The following CACNA2D2 variants were observed in gnomAD, a reference collection of about 807,000 sequenced individuals.
CACNA2D2 encodes voltage-dependent calcium channel subunit alpha-2/delta-2.
A neutral mutation model predicts 166.4 loss-of-function variants in CACNA2D2; 48 were observed. That is an observed-to-expected ratio of 0.29 (90% CI 0.23 to 0.37). The LOEUF is 0.37. CACNA2D2 is among the 10% of genes least tolerant of loss of function. The probability of loss-of-function intolerance (pLI) is 1.00; values close to 1 mark genes in which losing one functional copy is unlikely to be tolerated. For missense variants in CACNA2D2, 1,122 were observed against 1,433.0 expected (o/e 0.78, Z 3.50); for synonymous variants, 561 against 573.7 (o/e 0.98, Z 0.32).
intron 3 of CACNA2D2, among the ~76,000 whole-genome samples, chr3:50,395,651 G>A (rs1706113600): frequency 6.6e-6 from 1 of 152,230 alleles, no homozygotes; most frequent in Non-Finnish European, 1.5e-5. Context: ...ATTAGGGGAA[G>A]TGGAAGTCAG....
chr3:50,464,196 A>G (rs1314833300), intron 2 of CACNA2D2, among the ~76,000 whole-genome samples: 3 of 152,216 alleles, frequency 2.0e-5, no homozygotes, highest in Non-Finnish European at 2.9e-5. Context: ...TCACCTTTCT[A>G]CATCCCACGT....
At chr3:50,475,779 G>A (rs1163302621) in intron 2 of CACNA2D2, among the ~76,000 whole-genome samples, 1 of 152,094 alleles carries the variant, frequency 6.6e-6, no homozygotes, top group Non-Finnish European at 1.5e-5. Flanking sequence ...GTGCACCCCT[G>A]CGTCCACTGA....
chr3:50,408,377 C>T (rs947629199), intron 3 of CACNA2D2, among the ~76,000 whole-genome samples: 2 of 152,238 alleles, frequency 1.3e-5, no homozygotes, highest in African/African-American at 4.8e-5. Flanking sequence ...TCCACCTTGT[C>T]GCTGCCCACC....
In CACNA2D2 at chr3:50,381,182, C is replaced by T. The variant is rs1025921879; in HGVS notation, c.653-56G>A. The T allele has an allele frequency of 4.4e-6, 7 of 1,594,640 alleles. No individual in the cohort carries two copies. In the Admixed American group the frequency reaches 1.2e-4, roughly 27 times the overall value. On this transcript the variant is annotated intron_variant, in intron 6 of 37. Coordinates refer to ENST00000424201, the MANE Select transcript of CACNA2D2 (RefSeq NM_006030.4). ...GCACCTGGGCTGTGTCCTGTCGAACCCACCACCACGACACTCATGCCTGTG... is the reference window on the plus strand; with the variant it reads ...GCACCTGGGCTGTGTCCTGTCGAACTCACCACCACGACACTCATGCCTGTG...
intron 1 of CACNA2D2, among the ~76,000 whole-genome samples, chr3:50,498,814 C>T (rs932861046): frequency 7.9e-5 from 12 of 152,244 alleles, no homozygotes; most frequent in African/African-American, 2.9e-4. Context: ...CCCCCCTCCA[C>T]TTCCTGGGCC....
At chr3:50,449,844 G>C (rs899143663) in intron 2 of CACNA2D2, among the ~76,000 whole-genome samples, 1 of 152,206 alleles carries the variant, frequency 6.6e-6, no homozygotes, top group Non-Finnish European at 1.5e-5. Flanking sequence ...TAGGGACTGA[G>C]TAGGTGGGAG....
chr3:50,434,291 T>A, intron 3 of CACNA2D2, 22 bp downstream of exon 3: 1 of 1,559,714 alleles, frequency 6.4e-7, no homozygotes, highest in Non-Finnish European at 8.8e-7. Context: ...GCCGCCCCCC[T>A]GCCCCCAAAA....
intron 2 of CACNA2D2, among the ~76,000 whole-genome samples, chr3:50,437,538 C>A (rs757729984): frequency 1.2e-4 from 18 of 152,186 alleles, no homozygotes; most frequent in Non-Finnish European, 2.4e-4. Flanking sequence ...CAGCCCTCCC[C>A]CTCAACATTC....
chr3:50,428,438 C>A (rs1707902509), intron 3 of CACNA2D2, among the ~76,000 whole-genome samples: 1 of 152,178 alleles, frequency 6.6e-6, no homozygotes, highest in African/African-American at 2.4e-5. Flanking sequence ...CTCTGAATGC[C>A]CAGCCCAGAG....
At position 50,378,943 on chromosome 3, in the gene CACNA2D2, C is replaced by T. The variant is rs751421251; in HGVS notation, c.1311G>A (p.Pro437=). The change falls in exon 13 of 38, where the codon CCG becomes CCA. Residue 437 remains proline, a synonymous_variant. Transcript: ENST00000424201. The part of the protein sequence containing the change: ...SVGQHNYDVT[P]LQWMACANKG... ...TGTTGGCACAGGCCATCCACTGCAG[C>T]GGTGTGACGTCATAGTTATGCTGCC... 1.5e-5 allele frequency: 25 copies of T among 1,613,846 alleles called. No homozygotes were observed. Among genetic ancestry groups the T allele is most frequent in the Middle Eastern group, 1.6e-4 (1 of 6,062 alleles).
At chr3:50,435,449 T>C (rs1357765126) in intron 2 of CACNA2D2, among the ~76,000 whole-genome samples, 1 of 151,720 alleles carries the variant, frequency 6.6e-6, no homozygotes, top group African/African-American at 2.4e-5. Context: ...GGTCACAGAA[T>C]AGGCTGCCAC....
At chr3:50,471,282 G>A (rs985854730) in intron 2 of CACNA2D2, among the ~76,000 whole-genome samples, 3 of 152,012 alleles carry the variant, frequency 2.0e-5, no homozygotes, top group South Asian at 2.1e-4. Flanking sequence ...GCGTCAGTGC[G>A]ACAGCCTGTA....
intron 3 of CACNA2D2, among the ~76,000 whole-genome samples, chr3:50,420,070 C>T (rs181860848): frequency 6.6e-6 from 1 of 152,404 alleles, no homozygotes; most frequent in Non-Finnish European, 1.5e-5. Context: ...TCTCTCTTCC[C>T]TCCACCTCTC....
chr3:50,482,751 A>G (rs1050591332), intron 1 of CACNA2D2, among the ~76,000 whole-genome samples: 1 of 152,200 alleles, frequency 6.6e-6, no homozygotes, highest in Non-Finnish European at 1.5e-5. Context: ...GACCCAATGC[A>G]GCAGAGACCT....
intron 3 of CACNA2D2, among the ~76,000 whole-genome samples, chr3:50,429,592 C>CAAAAAA (rs1160685582): frequency 3.6e-4 from 19 of 52,646 alleles, no homozygotes; most frequent in Non-Finnish European, 4.6e-4. Flanking sequence ...ACTAAAAATA[C>CAAAAAA]AAAAAAAAAA....
intron 3 of CACNA2D2, chr3:50,416,087 A>C (rs1707251887): frequency 6.6e-6 from 1 of 152,258 alleles, no homozygotes; most frequent in Non-Finnish European, 1.5e-5. Context: ...GCCACTCTGC[A>C]CCAGATTTTC....
At chr3:50,450,589 C>T (rs770633205) in intron 2 of CACNA2D2, among the ~76,000 whole-genome samples, 24 of 152,186 alleles carry the variant, frequency 1.6e-4, no homozygotes, top group Admixed American at 3.3e-4. Flanking sequence ...TGACATTCAG[C>T]GCCAAATTAG....
intron 1 of CACNA2D2, among the ~76,000 whole-genome samples, chr3:50,492,729 C>T (rs1000895790): frequency 1.3e-5 from 2 of 152,186 alleles, no homozygotes; most frequent in African/African-American, 4.8e-5. Context: ...CCTCCAAGGA[C>T]GTCAGCCTGG....
intron 4 of CACNA2D2, 133 bp from the exon 5 acceptor site, chr3:50,387,745 C>A (rs1480888499): frequency 4.2e-6 from 3 of 715,472 alleles, no homozygotes; most frequent in Non-Finnish European, 7.0e-6. Flanking sequence ...CACCCAGAGC[C>A]CCCCTCCTGG....
Sources: allele counts gnomAD v4.1 joint callset (sites outside exome capture counted in the v4.1 genomes callset), GRCh38; gene constraint gnomAD v4.1.1; transcripts MANE v1.5; gene names NCBI Gene and HGNC (gene_info 2026-07-23, HGNC 2026-07-21).